SLC28A2: variants seen among roughly 807,000 people sequenced by gnomAD.
SLC28A2 encodes sodium/nucleoside cotransporter 2.
SLC28A2 carries 69 observed loss-of-function variants against 72.9 expected under a neutral mutation model. The observed-to-expected ratio is 0.95, with a 90% CI of 0.78 to 1.16. The LOEUF (loss-of-function observed/expected upper bound fraction) is 1.16, where lower values mean the gene tolerates loss of function less well. Among genes scored for constraint, SLC28A2 ranks in the 50% most tolerant of loss-of-function variants. SLC28A2 has a pLI of 0.00. For missense variants in SLC28A2, 745 were observed against 791.1 expected, an observed-to-expected ratio of 0.94 and a Z score of 0.70; for synonymous variants, 296 against 294.1, an observed-to-expected ratio of 1.01 and a Z score of -0.07.
At chr15:45,262,958 A>C in intron 4 of SLC28A2, 103 bp from the exon 5 acceptor site, 1 of 949,286 alleles carries the variant, frequency 1.1e-6, no homozygotes, top group Non-Finnish European at 1.6e-6. Context: ...AGGTCTCTGG[A>C]GGGTTTTTCT....
rs1680532308 is a variant in SLC28A2 at position 45,275,293 on chromosome 15, G to GGTTTTT, written c.1860-91_1860-86dup. The stretch of plus-strand genomic sequence containing the variant: ...GTCATGGCTGATGGGTCAATTTACA[G>GGTTTTT]GTTTTTGTTTTTGTTTTCAGCTGCT... On this transcript the variant is annotated intron_variant, in intron 17 of 17. Transcript: ENST00000347644. 5.7e-6 allele frequency: 4 copies of GGTTTTT among 701,392 alleles called. No homozygotes were observed. In the Admixed American group the frequency reaches 7.1e-5, roughly 12 times the overall value. The allele number at this position is 701,392 out of a possible 1,614,324, so 43.4% of individuals were successfully genotyped here. A position where few individuals can be genotyped will look rare whatever the true frequency, so the allele number is the denominator to read the frequency against.
At chr15:45,254,783 TTCTC>T (rs1303530152) in intron 3 of SLC28A2, among the ~76,000 whole-genome samples, 7 of 152,252 alleles carry the variant, frequency 4.6e-5, no homozygotes, top group Admixed American at 6.5e-5. Flanking sequence ...CACAATTTGC[TTCTC>T]TCTAAAAATT....
intron 3 of SLC28A2, among the ~76,000 whole-genome samples, chr15:45,260,032 A>C (rs1025476493): frequency 2.6e-5 from 4 of 152,192 alleles, no homozygotes; most frequent in Non-Finnish European, 5.9e-5. Context: ...AAATTAAGAT[A>C]ATTATAGGAG....
rs779753550 is a variant in SLC28A2, at chr15:45,268,195, G to T, written c.1200-15G>T. The T allele has an allele frequency of 2.5e-6, 4 of 1,591,406 alleles. No homozygotes were observed. Among genetic ancestry groups the T allele is most frequent in the Admixed American group, 1.7e-5 (1 of 59,492 alleles). On this transcript the variant is annotated splice_polypyrimidine_tract_variant and intron_variant, in intron 12 of 17. Transcript: ENST00000347644. ...TGTAGACACCCTACTCTTGCCCTCTGCCCAATAACCACAGGAAGGAGAGGA... is the reference window on the plus strand; with the variant it reads ...TGTAGACACCCTACTCTTGCCCTCTTCCCAATAACCACAGGAAGGAGAGGA...
intron 5 of SLC28A2, 130 bp downstream of exon 5, chr15:45,263,374 A>G (rs1474445341): frequency 3.6e-6 from 3 of 830,200 alleles, no homozygotes; most frequent in Non-Finnish European, 5.5e-6. Context: ...GCAGAGAAAA[A>G]TAACAATAGG....
At position 45,263,226 on chromosome 15, in the gene SLC28A2, T is replaced by G. The variant is rs374806438; in HGVS notation, c.428T>G (p.Leu143Arg). 4.3e-6 allele frequency: 7 copies of G among 1,613,660 alleles called. No individual in the cohort carries two copies. The highest frequency in any genetic ancestry group is 1.1e-5 in the South Asian group (1 of 91,046). The change falls in exon 5 of 18, where the codon CTG becomes CGG. Residue 143 changes from leucine (L) to arginine (R), a missense_variant. Coordinates refer to ENST00000347644, the MANE Select transcript of SLC28A2 (RefSeq NM_004212.4). ...RCLKPFENSR[L>R]RLWTKWVFAG... ...CTGAAGCCCTTTGAAAACTCCCGCC[T>G]GAGGCTTTGGACGAAATGGTAAGAT...
chr15:45,255,442 C>T (rs1351013347), intron 3 of SLC28A2: 1 of 152,042 alleles, frequency 6.6e-6, no homozygotes, highest in Non-Finnish European at 1.5e-5. Context: ...TAAACTCTAC[C>T]ATTTTCGTAG....
intron 1 of SLC28A2, 28 bp downstream of exon 1, chr15:45,252,306 G>A (rs1264782047): frequency 4.4e-6 from 2 of 455,802 alleles, no homozygotes; most frequent in Non-Finnish European, 8.8e-6. Flanking sequence ...GGGGAGGGCA[G>A]GTGCCTAATT....
At position 45,268,319 on chromosome 15, in the gene SLC28A2, A is replaced by G. The variant is rs1900412872; in HGVS notation, c.1309A>G (p.Ile437Val). The change falls in exon 13 of 18, where the codon ATC becomes GTC. Residue 437 changes from isoleucine to valine, a missense_variant. By Grantham distance (29) the Ile-to-Val change is conservative (BLOSUM62 3). Coordinates refer to ENST00000347644, the MANE Select transcript of SLC28A2 (RefSeq NM_004212.4). ...TGCCTTTTTGGCTGTGTTGGCCTTC[A>G]TCAATGCTGCCCTCTCCTGGCTGGG... ...LIAFLAVLAF[I>V]NAALSWLGEL... 1 of 1,611,880 alleles carries G rather than the reference A, an allele frequency of 6.2e-7. No homozygotes were observed. The highest frequency in any genetic ancestry group is 8.5e-7 in the Non-Finnish European group (1 of 1,178,136).
intron 8 of SLC28A2, 104 bp downstream of exon 8, chr15:45,265,270 A>G (rs2271438): frequency 0.55 from 457,242 of 826,546 alleles, 141,244 homozygotes; most frequent in Non-Finnish European, 0.67. Context: ...CTGTATACCA[A>G]TTTGACCCTA....
chr15:45,254,864 A>G (rs1362133909), intron 3 of SLC28A2, among the ~76,000 whole-genome samples: 1 of 152,216 alleles, frequency 6.6e-6, no homozygotes, highest in African/African-American at 2.4e-5. Flanking sequence ...TCATGCTTAC[A>G]TGATATTTCA....
chr15:45,263,180 GGC>G lies in SLC28A2; in HGVS notation c.383_384del (p.Gly128GlufsTer11). Reference sequence around the variant, plus strand: ...TCACTCGTTTTTGAAAAAGCTCCTGGGCAAAAAATTAACAAGATGTCTGAAGC... The same window carrying G: ...TCACTCGTTTTTGAAAAAGCTCCTGGAAAAAATTAACAAGATGTCTGAAGC... The part of the protein sequence containing the change: ...LVHSFLKKLL[G>X]KKLTRCLKPF... On this transcript the variant is annotated frameshift_variant, in exon 5 of 18. Coordinates refer to ENST00000347644, the MANE Select transcript of SLC28A2 (RefSeq NM_004212.4). LOFTEE classifies it high-confidence loss of function. The G allele has an allele frequency of 6.2e-7, 1 of 1,613,858 alleles. No individual in the cohort carries two copies. Among genetic ancestry groups the G allele is most frequent in the South Asian group, 1.1e-5 (1 of 91,082 alleles).
chr15:45,268,193 C>A lies in SLC28A2; in HGVS notation c.1200-17C>A, dbSNP rs751000944. The A allele has an allele frequency of 2.1e-5, 34 of 1,590,538 alleles. No homozygotes were observed. The highest frequency in any genetic ancestry group is 2.7e-5 in the Non-Finnish European group (31 of 1,161,292). On this transcript the variant is annotated splice_polypyrimidine_tract_variant and intron_variant, in intron 12 of 17. Transcript: ENST00000347644. ...GCTGTAGACACCCTACTCTTGCCCT[C>A]TGCCCAATAACCACAGGAAGGAGAG...
At chr15:45,252,415 T>G (rs910877657) in intron 1 of SLC28A2, 137 bp downstream of exon 1, 1 of 390,132 alleles carries the variant, frequency 2.6e-6, no homozygotes, top group Non-Finnish European at 5.0e-6. Context: ...GTTATGTGTG[T>G]TTAATGAAAT....
chr15:45,266,586 A>C (rs571257169), intron 10 of SLC28A2, among the ~76,000 whole-genome samples: 3 of 152,180 alleles, frequency 2.0e-5, no homozygotes, highest in Non-Finnish European at 4.4e-5. Context: ...GCTCTTCCCC[A>C]TAATACTTGC....
In SLC28A2 at chr15:45,277,330, A is replaced by G. The variant is rs1357778295; in HGVS notation, c.*1817A>G. 6.6e-6 allele frequency: 1 copy of G among 152,054 alleles called. No individual in the cohort carries two copies. Among genetic ancestry groups the G allele is most frequent in the Non-Finnish European group, 1.5e-5 (1 of 68,016 alleles). The allele number at this position is 152,054 out of a possible 1,614,324, so 9.4% of individuals were successfully genotyped here. On this transcript the variant is annotated 3_prime_UTR_variant, in exon 18 of 18. Coordinates refer to ENST00000347644, the MANE Select transcript of SLC28A2 (RefSeq NM_004212.4). ...TAGAGCCCCACAATTCCACTCCTAC[A>G]TACACATTCAAAAGAATCAAAACTA...
intron 3 of SLC28A2, among the ~76,000 whole-genome samples, chr15:45,254,216 A>C (rs1462028943): frequency 7.3e-6 from 1 of 137,106 alleles, no homozygotes; most frequent in Non-Finnish European, 1.7e-5. Context: ...AGAGTGCAGA[A>C]GTCATACACT....
chr15:45,269,280 C>CAACTG, intron 13 of SLC28A2, 58 bp from the exon 14 acceptor site: 1 of 1,441,798 alleles, frequency 6.9e-7, no homozygotes, highest in African/African-American at 1.4e-5. Flanking sequence ...AGGTCCTTGG[C>CAACTG]ACCTGACCTT....
chr15:45,274,741 ATTC>A lies in SLC28A2; in HGVS notation c.1860-649_1860-647del, dbSNP rs1387386497. ...TCATCATTGCTCTGGCATCGTTTTGATTCTTCTTTTTTTTTTTTTTTGAGACAC... is the reference window on the plus strand; with the variant it reads ...TCATCATTGCTCTGGCATCGTTTTGATTCTTTTTTTTTTTTTTTGAGACAC... On this transcript the variant is annotated intron_variant, in intron 17 of 17. Transcript: ENST00000347644. 2.6e-4 allele frequency among the ~76,000 whole-genome samples: 38 copies of A among 146,272 alleles called. No individual in the cohort carries two copies. In the South Asian group the frequency reaches 7.0e-3, roughly 27 times the overall value.
Sources: gnomAD v4.1 joint callset for allele counts (sites outside exome capture counted in the v4.1 genomes callset) on GRCh38, gnomAD v4.1.1 for gene constraint, MANE v1.5 for transcripts, NCBI Gene and HGNC (gene_info 2026-07-23, HGNC 2026-07-21) for gene names.